The following PCDHGA10 variants were observed in gnomAD, a reference collection of about 807,000 sequenced individuals.
The protein encoded by PCDHGA10 is protocadherin gamma subfamily A, 10.
Under a neutral mutation model 59.5 loss-of-function variants are expected in PCDHGA10, and 42 were observed. The ratio of observed to expected loss-of-function variants is 0.71; its 90% CI spans 0.55 to 0.91. PCDHGA10 has a LOEUF of 0.91. PCDHGA10 is among the 40% of genes least tolerant of loss of function. The pLI, the probability that PCDHGA10 is intolerant of heterozygous loss-of-function variation, is 0.00. For synonymous variants in PCDHGA10, 511 were observed against 517.2 expected (o/e 0.99, Z 0.16); for missense variants, 1,111 against 1,198.2 (o/e 0.93, Z 1.07).
rs998398149 is a variant in PCDHGA10 at position 141,413,709 on chromosome 5, C to T, written c.534C>T (p.Pro178=). 39 of 1,613,536 alleles carry T rather than the reference C, an allele frequency of 2.4e-5. No homozygotes were observed. Among genetic ancestry groups the T allele is most frequent in the Non-Finnish European group, 3.3e-5 (39 of 1,179,864 alleles). Residue 178 remains proline (P), a synonymous_variant, in exon 1 of 4, where the codon CCC becomes CCT. Coordinates refer to ENST00000398610, the MANE Select transcript of PCDHGA10 (RefSeq NM_018913.3). ...VNSLQSYQLS[P]NKHFSLRVQS... ...CCCTGCAGAGCTATCAGCTCAGCCC[C>T]AATAAGCACTTCTCCCTAAGAGTTC...
intron 1 of PCDHGA10, among the ~76,000 whole-genome samples, chr5:141,483,294 T>G (rs1392406131): frequency 2.0e-5 from 3 of 152,100 alleles, no homozygotes; most frequent in Non-Finnish European, 4.4e-5. Flanking sequence ...CAGTCATAAG[T>G]GAAGGGACTG....
chr5:141,504,077 G>A (rs939470644), intron 2 of PCDHGA10, among the ~76,000 whole-genome samples: 3 of 152,124 alleles, frequency 2.0e-5, no homozygotes, highest in Non-Finnish European at 2.9e-5. Context: ...GCCAGATGGT[G>A]CCAAACAGTT....
chr5:141,448,704 G>A (rs1272148301), intron 1 of PCDHGA10, among the ~76,000 whole-genome samples: 1 of 152,134 alleles, frequency 6.6e-6, no homozygotes. Flanking sequence ...ACTTTGGGAG[G>A]CCGAGGCGGG....
chr5:141,413,055 C>G lies in PCDHGA10; in HGVS notation c.-121C>G. ...GGCTGCTGGGCTGCAGGGAAGCTCA[C>G]TCCAGAATTTAAAGTGCCCAGGCTA... On this transcript the variant is annotated 5_prime_UTR_variant, in exon 1 of 4. Coordinates refer to ENST00000398610, the MANE Select transcript of PCDHGA10 (RefSeq NM_018913.3). The G allele has an allele frequency of 9.8e-7, 1 of 1,019,544 alleles. No homozygotes were observed. The highest frequency in any genetic ancestry group is 1.4e-6 in the Non-Finnish European group (1 of 715,126). 63.2% of individuals were successfully genotyped at this position (1,019,544 alleles called of 1,614,324 possible). A position where few individuals can be genotyped will look rare whatever the true frequency, so the allele number is the denominator to read the frequency against.
chr5:141,417,632 C>T (rs1395400349), intron 1 of PCDHGA10: 3 of 714,288 alleles, frequency 4.2e-6, no homozygotes, highest in Non-Finnish European at 6.5e-6. Context: ...GCGCTGACGC[C>T]GGGGATCCCT....
At chr5:141,502,484 G>A (rs962659219) in intron 2 of PCDHGA10, among the ~76,000 whole-genome samples, 1 of 152,000 alleles carries the variant, frequency 6.6e-6, no homozygotes. Context: ...CATCACACTG[G>A]GACTCATCTA....
intron 1 of PCDHGA10, among the ~76,000 whole-genome samples, chr5:141,482,530 C>CAAAAAAAAA (rs3074545): frequency 5.2e-4 from 40 of 76,506 alleles, no homozygotes; most frequent in African/African-American, 1.4e-3. Context: ...GACAGACATG[C>CAAAAAAAAA]AAAAAAAAAA....
chr5:141,496,888 T>TA (rs35063790), intron 2 of PCDHGA10, among the ~76,000 whole-genome samples: 34,968 of 133,936 alleles, frequency 0.26, 4,377 homozygotes, highest in Admixed American at 0.34. Flanking sequence ...AAGTAACACT[T>TA]AAAAAAAAAA....
intron 1 of PCDHGA10, chr5:141,419,798 A>G: frequency 6.2e-7 from 1 of 1,614,050 alleles, no homozygotes; most frequent in Admixed American, 1.7e-5. Flanking sequence ...AGTCGCTGTA[A>G]GAGATGGAGG....
intron 1 of PCDHGA10, chr5:141,418,548 T>C: frequency 6.2e-7 from 1 of 1,613,964 alleles, no homozygotes; most frequent in Non-Finnish European, 8.5e-7. Flanking sequence ...CAGATAAGAA[T>C]CCTGGTAATA....
At position 141,418,763 on chromosome 5, in the gene PCDHGA10, C is replaced by G. The variant is rs914122527; in HGVS notation, c.2436+3152C>G. The stretch of plus-strand genomic sequence containing the variant: ...TCTGGATTACACTACAGGAAACATT[C>G]TAACTCAGCAGCCTTTGGATTTTGA... On this transcript the variant is annotated intron_variant, in intron 1 of 3. Coordinates refer to ENST00000398610, the MANE Select transcript of PCDHGA10 (RefSeq NM_018913.3). 5 of 1,613,728 alleles carry G rather than the reference C, an allele frequency of 3.1e-6. No homozygotes were observed. The Admixed American group carries it at 5.0e-5, about 16-fold the overall frequency.
At chr5:141,467,747 C>T (rs56743829) in intron 1 of PCDHGA10, among the ~76,000 whole-genome samples, 7,097 of 152,110 alleles carry the variant, frequency 0.047, 213 homozygotes, top group Middle Eastern at 0.092. Context: ...CTGCAACCTC[C>T]GCCTCACATG....
At chr5:141,450,006 CTTTTTT>C (rs1554136305) in intron 1 of PCDHGA10, among the ~76,000 whole-genome samples, 7,115 of 132,964 alleles carry the variant, frequency 0.054, 434 homozygotes, top group African/African-American at 0.14. Flanking sequence ...TGCCATGTCT[CTTTTTT>C]TTTTTTTTTT....
chr5:141,445,388 A>G (rs2098465525), intron 1 of PCDHGA10, among the ~76,000 whole-genome samples: 2 of 152,212 alleles, frequency 1.3e-5, no homozygotes, highest in African/African-American at 4.8e-5. Flanking sequence ...TCATTCATTT[A>G]CATAACAAAT....
intron 1 of PCDHGA10, among the ~76,000 whole-genome samples, chr5:141,448,016 G>A (rs903673535): frequency 6.6e-6 from 1 of 152,006 alleles, no homozygotes; most frequent in South Asian, 2.1e-4. Context: ...AACCCAGGAG[G>A]TGGAGGTTGC....
intron 1 of PCDHGA10, among the ~76,000 whole-genome samples, chr5:141,437,686 G>A (rs1025629140): frequency 2.6e-5 from 4 of 151,740 alleles, no homozygotes; most frequent in African/African-American, 9.7e-5. Flanking sequence ...AACTGATGAG[G>A]CTAAATCTCA....
At chr5:141,498,919 C>A (rs897611505) in intron 2 of PCDHGA10, among the ~76,000 whole-genome samples, 1 of 122,240 alleles carries the variant, frequency 8.2e-6, no homozygotes. Context: ...GGTGACAGAG[C>A]GAGACTCCAT....
chr5:141,426,794 G>C (rs1319220934), intron 1 of PCDHGA10: 1 of 456,708 alleles, frequency 2.2e-6, no homozygotes, highest in East Asian at 6.9e-5. Flanking sequence ...AGAGTTACCA[G>C]CTCAGTTCTA....
rs2095935492 is a variant in PCDHGA10 at position 141,415,755 on chromosome 5, T to TG, written c.2436+144_2436+145insG. ...GTTTATTAAGGTTTTTTTTTTTTTT[T>TG]TTTTTTTTTTTTTTTTTACTTTCTG... On this transcript the variant is annotated intron_variant, in intron 1 of 3. Coordinates refer to ENST00000398610, the MANE Select transcript of PCDHGA10 (RefSeq NM_018913.3). 10 of 1,387,646 alleles carry TG rather than the reference T, an allele frequency of 7.2e-6. No individual in the cohort carries two copies. The African/African-American group carries it at 1.4e-4, about 19-fold the overall frequency. The allele number at this position is 1,387,646 out of a possible 1,614,324, so 86.0% of individuals were successfully genotyped here.
Sources: allele counts gnomAD v4.1 joint callset (sites outside exome capture counted in the v4.1 genomes callset), GRCh38; gene constraint gnomAD v4.1.1; transcripts MANE v1.5; gene names NCBI Gene and HGNC (gene_info 2026-07-23, HGNC 2026-07-21).